Variants in LRRC4C observed in about 807,000 individuals in gnomAD.
The protein encoded by LRRC4C is leucine-rich repeat-containing protein 4C.
Under a neutral mutation model 33.6 loss-of-function variants are expected in LRRC4C, and 5 were observed. That is an observed-to-expected ratio of 0.15 (90% confidence interval 0.08 to 0.31). The LOEUF is 0.31. Among genes scored for constraint, LRRC4C ranks in the 10% least tolerant of loss-of-function variants. The pLI, the probability that LRRC4C is intolerant of heterozygous loss-of-function variation, is 1.00. For missense variants in LRRC4C, 560 were observed against 796.7 expected, an observed-to-expected ratio of 0.70 and a Z score of 3.58; for synonymous variants, 329 against 302.0, an observed-to-expected ratio of 1.09 and a Z score of -0.93.
chr11:40,540,022 G>T (rs902534270), intron 3 of LRRC4C, among the ~76,000 whole-genome samples: 2 of 152,064 alleles, frequency 1.3e-5, no homozygotes, highest in East Asian at 3.9e-4. Flanking sequence ...AACTCAGTTT[G>T]CTCTGAGAAT....
chr11:40,884,184 T>C (rs141910187), intron 2 of LRRC4C, among the ~76,000 whole-genome samples: 1 of 152,196 alleles, frequency 6.6e-6, no homozygotes, highest in East Asian at 1.9e-4. Flanking sequence ...TGTTCTTGTA[T>C]TAGTTTGCCC....
At chr11:40,630,347 CTTCT>C (rs1963362061) in intron 3 of LRRC4C, among the ~76,000 whole-genome samples, 1 of 37,818 alleles carries the variant, frequency 2.6e-5, no homozygotes, top group Non-Finnish European at 7.6e-5. Context: ...TCTTCTTCTT[CTTCT>C]TCTTCTTCTT....
At chr11:40,515,091 A>C (rs897952423) in intron 3 of LRRC4C, among the ~76,000 whole-genome samples, 1 of 152,126 alleles carries the variant, frequency 6.6e-6, no homozygotes, top group African/African-American at 2.4e-5. Flanking sequence ...GATATTTCAT[A>C]TTCTCAAACA....
At chr11:40,659,785 C>A (rs75336331) in intron 2 of LRRC4C, among the ~76,000 whole-genome samples, 1,821 of 152,302 alleles carry the variant, frequency 0.012, 44 homozygotes, top group African/African-American at 0.042. Flanking sequence ...ACAAGCTATG[C>A]ACTTCAGGTC....
intron 1 of LRRC4C, among the ~76,000 whole-genome samples, chr11:41,184,669 C>A (rs183072280): frequency 2.0e-3 from 299 of 152,182 alleles, no homozygotes; most frequent in African/African-American, 6.8e-3. Flanking sequence ...CCAAACTGTT[C>A]CAATCACTGC....
chr11:40,751,411 A>G (rs1156961175), intron 2 of LRRC4C, among the ~76,000 whole-genome samples: 1 of 152,180 alleles, frequency 6.6e-6, no homozygotes, highest in African/African-American at 2.4e-5. Flanking sequence ...AAGCAAATTC[A>G]GAAATGTTGA....
At chr11:40,756,692 T>C (rs1377732304) in intron 2 of LRRC4C, among the ~76,000 whole-genome samples, 1 of 152,122 alleles carries the variant, frequency 6.6e-6, no homozygotes, top group East Asian at 1.9e-4. Context: ...AAATGCAAAC[T>C]GTTAACTTTG....
intron 3 of LRRC4C, among the ~76,000 whole-genome samples, chr11:40,403,518 C>G (rs754866863): frequency 1.3e-5 from 2 of 152,016 alleles, no homozygotes; most frequent in Non-Finnish European, 2.9e-5. Flanking sequence ...TGCTGACACA[C>G]TAATTTCTAT....
At chr11:40,358,310 T>A (rs1343313362) in intron 3 of LRRC4C, among the ~76,000 whole-genome samples, 2 of 152,136 alleles carry the variant, frequency 1.3e-5, no homozygotes, top group East Asian at 1.9e-4. Flanking sequence ...TCTCACTCTG[T>A]CACTCTGTTG....
chr11:40,231,924 A>G (rs530391642), intron 5 of LRRC4C, among the ~76,000 whole-genome samples: 12 of 152,286 alleles, frequency 7.9e-5, no homozygotes, highest in African/African-American at 2.4e-4. Context: ...GGTTTGTTAC[A>G]TAGGTAAACA....
intron 5 of LRRC4C, among the ~76,000 whole-genome samples, chr11:40,187,251 G>T (rs565215252): frequency 6.6e-6 from 1 of 151,966 alleles, no homozygotes; most frequent in Non-Finnish European, 1.5e-5. Context: ...AACACTGCTC[G>T]GGAGCAGCAG....
chr11:40,313,993 A>C (rs2136782696), intron 4 of LRRC4C, among the ~76,000 whole-genome samples: 1 of 152,166 alleles, frequency 6.6e-6, no homozygotes, highest in South Asian at 2.1e-4. Flanking sequence ...CAAAAGCAAA[A>C]ACAAATAAAT....
Position 40,748,990 on chromosome 11 carries a change from A to G in LRRC4C, c.-406-100712T>C, listed in dbSNP as rs191472824. 2.0e-5 allele frequency among the ~76,000 whole-genome samples: 3 copies of G among 152,242 alleles called. No homozygotes were observed. In the East Asian group the frequency reaches 5.8e-4, roughly 29 times the overall value. On this transcript the variant is annotated intron_variant, in intron 2 of 6. Transcript: ENST00000528697. ...GAGCACCCAGATGTATAAAGCAAAT[A>G]ATACTACATCTAAAGAGAGAGAGAG...
At chr11:40,376,354 C>T (rs907935222) in intron 3 of LRRC4C, among the ~76,000 whole-genome samples, 1 of 152,016 alleles carries the variant, frequency 6.6e-6, no homozygotes, top group African/African-American at 2.4e-5. Context: ...GATCTGATTC[C>T]CTGGTGCTTT....
chr11:41,160,262 G>A (rs1944410118), intron 1 of LRRC4C, among the ~76,000 whole-genome samples: 1 of 151,928 alleles, frequency 6.6e-6, no homozygotes, highest in African/African-American at 2.4e-5. Context: ...CCAGCTACCA[G>A]GGAGACTGAG....
chr11:40,379,110 G>A (rs1162806420), intron 3 of LRRC4C, among the ~76,000 whole-genome samples: 2 of 152,086 alleles, frequency 1.3e-5, no homozygotes, highest in African/African-American at 4.8e-5. Flanking sequence ...AGGAGATAAA[G>A]TTATAAAGAG....
chr11:41,232,755 C>CAT (rs1354688028), intron 1 of LRRC4C, among the ~76,000 whole-genome samples: 3 of 139,166 alleles, frequency 2.2e-5, no homozygotes, highest in African/African-American at 8.6e-5. Context: ...AAGACACACA[C>CAT]ACACACACAC....
At chr11:41,411,836 C>A (rs1184740275) in intron 1 of LRRC4C, among the ~76,000 whole-genome samples, 1 of 152,138 alleles carries the variant, frequency 6.6e-6, no homozygotes, top group East Asian at 1.9e-4. Flanking sequence ...GCCCCAGATT[C>A]TGTAAGTGTG....
intron 1 of LRRC4C, among the ~76,000 whole-genome samples, chr11:40,990,316 G>T (rs1853446225): frequency 7.1e-6 from 1 of 140,122 alleles, no homozygotes; most frequent in South Asian, 2.3e-4. Flanking sequence ...GTCAAGTAAT[G>T]ATGCTGTTTG....
Sources: allele counts gnomAD v4.1 joint callset (sites outside exome capture counted in the v4.1 genomes callset), GRCh38; gene constraint gnomAD v4.1.1; transcripts MANE v1.5; gene names NCBI Gene and HGNC (gene_info 2026-07-23, HGNC 2026-07-21).